The following SAE1 variants were observed in gnomAD, a reference collection of about 807,000 sequenced individuals.
The protein encoded by SAE1 is SUMO-activating enzyme subunit 1.
SAE1 carries 11 observed loss-of-function variants against 40.6 expected under a neutral mutation model. The ratio of observed to expected loss-of-function variants is 0.27; its 90% CI spans 0.17 to 0.45. The LOEUF (loss-of-function observed/expected upper bound fraction) is 0.45, where lower values mean the gene tolerates loss of function less well. Ranked by LOEUF, SAE1 falls within the 20% of genes least tolerant of loss-of-function variation. The pLI is 1.00. For synonymous variants in SAE1, 155 were observed against 154.3 expected, an observed-to-expected ratio of 1.00 and a Z score of -0.03; for missense variants, 373 against 427.3, an observed-to-expected ratio of 0.87 and a Z score of 1.12.
intron 2 of SAE1, among the ~76,000 whole-genome samples, chr19:47,149,237 C>T (rs1222877490): frequency 1.4e-5 from 2 of 141,308 alleles, no homozygotes; most frequent in African/African-American, 2.7e-5. Flanking sequence ...GTGGTGCAAT[C>T]GCAGCTCACT....
chr19:47,181,360 T>A (rs1196069540), intron 6 of SAE1, among the ~76,000 whole-genome samples: 1 of 151,772 alleles, frequency 6.6e-6, no homozygotes, highest in Non-Finnish European at 1.5e-5. Context: ...AATAAAAAGG[T>A]CTGTAGGTTA....
chr19:47,181,071 C>T (rs1349671561), intron 6 of SAE1, among the ~76,000 whole-genome samples: 3 of 152,120 alleles, frequency 2.0e-5, no homozygotes, highest in Non-Finnish European at 4.4e-5. Context: ...AATCCCAGCA[C>T]TTTGGGAAGC....
In SAE1 at chr19:47,162,862, C is replaced by T. The variant is rs116131054; in HGVS notation, c.628-6956C>T. On this transcript the variant is annotated intron_variant, in intron 5 of 8. Coordinates refer to ENST00000270225, the MANE Select transcript of SAE1 (RefSeq NM_005500.3). ...CAAAAATTAGCTGGGCGTGGTAGCACGTGCCAGTGGTCTCAGCTACTGGGG... is the reference window on the plus strand; with the variant it reads ...CAAAAATTAGCTGGGCGTGGTAGCATGTGCCAGTGGTCTCAGCTACTGGGG... Among the ~76,000 whole-genome samples, 1,388 of 152,126 alleles carry T rather than the reference C, an allele frequency of 9.1e-3. 21 individuals carry two copies. The highest frequency in any genetic ancestry group is 0.032 in the African/African-American group (1,316 of 41,490).
intron 6 of SAE1, among the ~76,000 whole-genome samples, chr19:47,194,291 TG>T (rs1355139816): frequency 6.6e-6 from 1 of 152,188 alleles, no homozygotes; most frequent in East Asian, 1.9e-4. Flanking sequence ...CAAAACTATT[TG>T]GTCTTTAAAA....
At chr19:47,171,770 A>ATTTTTTTTTTTTTTTTTTTTTTTTTTT (rs2058435449) in intron 6 of SAE1, among the ~76,000 whole-genome samples, 1 of 138,902 alleles carries the variant, frequency 7.2e-6, no homozygotes, top group African/African-American at 2.8e-5. Context: ...GGCTGCGCTA[A>ATTTTTTTTTTTTTTTTTTTTTTTTTTT]TTTTTGTATT....
At chr19:47,148,975 C>T (rs1432069584) in intron 2 of SAE1, among the ~76,000 whole-genome samples, 2 of 151,692 alleles carry the variant, frequency 1.3e-5, no homozygotes, top group Non-Finnish European at 2.9e-5. Context: ...CTGATTTTTG[C>T]ACAAGTTTGA....
chr19:47,210,267 G>A lies in SAE1; in HGVS notation c.*1016G>A, dbSNP rs2058707036. The A allele has an allele frequency of 6.6e-6, 1 of 152,136 alleles. No individual in the cohort carries two copies. Among genetic ancestry groups the A allele is most frequent in the Non-Finnish European group, 1.5e-5 (1 of 68,028 alleles). The allele number at this position is 152,136 out of a possible 1,614,324, so 9.4% of individuals were successfully genotyped here. A position where few individuals can be genotyped will look rare whatever the true frequency, so the allele number is the denominator to read the frequency against. On this transcript the variant is annotated 3_prime_UTR_variant, in exon 9 of 9. Transcript: ENST00000270225. Reference sequence around the variant, plus strand: ...TCCTACCAGTTGCCTTTTCAGACCTGAGGCTCTAACTCAAGAGATTCCTCC... The same window carrying A: ...TCCTACCAGTTGCCTTTTCAGACCTAAGGCTCTAACTCAAGAGATTCCTCC...
chr19:47,141,962 T>G (rs2058224706), intron 1 of SAE1, among the ~76,000 whole-genome samples: 1 of 152,188 alleles, frequency 6.6e-6, no homozygotes, highest in African/African-American at 2.4e-5. Flanking sequence ...TACTTCTGGT[T>G]CAAGAGATTT....
At chr19:47,184,787 TTTTTGTTTTGTTTTTGTTTTG>T (rs1568604001) in intron 6 of SAE1, among the ~76,000 whole-genome samples, 2 of 147,790 alleles carry the variant, frequency 1.4e-5, no homozygotes, top group South Asian at 2.2e-4. Flanking sequence ...GTTTTTTTTG[TTTTTGTTTTGTTTTTGTTTTG>T]TTTTGTTTTG....
At chr19:47,186,946 C>A (rs750732624) in intron 6 of SAE1, among the ~76,000 whole-genome samples, 1 of 152,112 alleles carries the variant, frequency 6.6e-6, no homozygotes, top group Non-Finnish European at 1.5e-5. Context: ...GTGAGCTCCG[C>A]GTGTGAGGGC....
rs140153864 is a variant in SAE1, at chr19:47,153,952, T to C, written c.527+912T>C. On this transcript the variant is annotated intron_variant, in intron 4 of 8. Coordinates refer to ENST00000270225, the MANE Select transcript of SAE1 (RefSeq NM_005500.3). The stretch of plus-strand genomic sequence containing the variant: ...GATTACAGGCATGCGTCACCATGCC[T>C]GGCTAATTTTGTATTTTTAGTAGAG... Among the ~76,000 whole-genome samples, 645 of 151,542 alleles carry C rather than the reference T, an allele frequency of 4.3e-3. 6 individuals carry two copies. Among genetic ancestry groups the C allele is most frequent in the African/African-American group, 0.015 (611 of 41,288 alleles).
At chr19:47,137,016 C>G (rs2058184553) in intron 1 of SAE1, among the ~76,000 whole-genome samples, 1 of 152,054 alleles carries the variant, frequency 6.6e-6, no homozygotes, top group African/African-American at 2.4e-5. Flanking sequence ...AATTGTGGGG[C>G]ATTTTATAAG....
chr19:47,210,222 T>TC lies in SAE1; in HGVS notation c.*972dup, dbSNP rs148473211. 139 of 152,326 alleles carry TC rather than the reference T, an allele frequency of 9.1e-4. No individual in the cohort carries two copies. Among genetic ancestry groups the TC allele is most frequent in the African/African-American group, 3.2e-3 (133 of 41,578 alleles). 9.4% of individuals were successfully genotyped at this position (152,326 alleles called of 1,614,324 possible). ...TTGTTTTTCTTCCACTTCAGAAGCT[T>TC]CTGAGAGGGAATGGGATGATCCTAC... On this transcript the variant is annotated 3_prime_UTR_variant, in exon 9 of 9. Coordinates refer to ENST00000270225, the MANE Select transcript of SAE1 (RefSeq NM_005500.3).
intron 5 of SAE1, among the ~76,000 whole-genome samples, chr19:47,163,092 A>G (rs1035932350): frequency 1.3e-5 from 2 of 152,142 alleles, no homozygotes; most frequent in African/African-American, 4.8e-5. Flanking sequence ...AATGATAACT[A>G]TAACCTTCCT....
At chr19:47,175,685 C>T (rs1008825083) in intron 6 of SAE1, among the ~76,000 whole-genome samples, 3 of 152,106 alleles carry the variant, frequency 2.0e-5, no homozygotes, top group Non-Finnish European at 2.9e-5. Context: ...TGCAGTGAGC[C>T]GAGATCGTGC....
chr19:47,199,941 T>A (rs2058642078), intron 7 of SAE1, among the ~76,000 whole-genome samples: 1 of 151,948 alleles, frequency 6.6e-6, no homozygotes, highest in African/African-American at 2.4e-5. Context: ...TGGCTTTTTT[T>A]TTTTTTGGAG....
chr19:47,136,302 C>G (rs563773538), intron 1 of SAE1, among the ~76,000 whole-genome samples: 1 of 151,922 alleles, frequency 6.6e-6, no homozygotes, highest in South Asian at 2.1e-4. Flanking sequence ...CCACGCCCGG[C>G]TAATCTTTGT....
chr19:47,143,432 T>C (rs1242284630), intron 1 of SAE1, 62 bp from the exon 2 acceptor site: 1 of 1,352,046 alleles, frequency 7.4e-7, no homozygotes, highest in Admixed American at 1.7e-5. Flanking sequence ...TATTTTTTGT[T>C]CTTCTGTGAT....
Position 47,130,864 on chromosome 19 carries a change from T to C in SAE1, c.-67T>C. On this transcript the variant is annotated 5_prime_UTR_variant, in exon 1 of 9. Coordinates refer to ENST00000270225, the MANE Select transcript of SAE1 (RefSeq NM_005500.3). ...CGGGCGTGCTGCCGGCGGCGGTAGG[T>C]GGCGCGCGGGTCCGGCGGGCGGTTG... 3 of 1,543,120 alleles carry C rather than the reference T, an allele frequency of 1.9e-6. No individual in the cohort carries two copies. The highest frequency in any genetic ancestry group is 1.2e-5 in the South Asian group (1 of 83,588).
Sources: allele counts gnomAD v4.1 joint callset (sites outside exome capture counted in the v4.1 genomes callset), GRCh38; gene constraint gnomAD v4.1.1; transcripts MANE v1.5; gene names NCBI Gene and HGNC (gene_info 2026-07-23, HGNC 2026-07-21).